Variants in DBX2 observed in about 807,000 individuals in gnomAD.
DBX2 encodes the protein developing brain homeobox 2, also known as homeobox protein DBX2.
Under a neutral mutation model 17.7 loss-of-function variants are expected in DBX2, and 16 were observed. The observed-to-expected ratio is 0.90, with a 90% confidence interval of 0.61 to 1.37. The LOEUF is 1.37. DBX2 is among the 40% of genes most tolerant of loss of function. The pLI is 0.00. For synonymous variants in DBX2, 255 were observed against 183.8 expected, an observed-to-expected ratio of 1.39 and a Z score of -3.13; for missense variants, 538 against 433.8, an observed-to-expected ratio of 1.24 and a Z score of -2.13.
rs1255751489 is a variant in DBX2, at chr12:45,031,219, TGTGTGTGAGAGAGA to T, written c.499+4786_499+4799del. ...GTGTGTGTGTGTGTGTGTGTGTGTG[TGTGTGTGAGAGAGA>T]GAGAGAGAGAGAGAGAGAGAGAGAT... On this transcript the variant is annotated intron_variant, in intron 2 of 3. Transcript: ENST00000332700. Among the ~76,000 whole-genome samples, 84 of 87,604 alleles carry T rather than the reference TGTGTGTGAGAGAGA, an allele frequency of 9.6e-4. 1 individual carries two copies. The highest frequency in any genetic ancestry group is 3.8e-3 in the African/African-American group (82 of 21,648). 57.5% of individuals were successfully genotyped at this position (87,604 alleles called of 152,430 possible).
chr12:45,021,680 C>G (rs980055641), intron 3 of DBX2, among the ~76,000 whole-genome samples: 3 of 152,202 alleles, frequency 2.0e-5, no homozygotes, highest in African/African-American at 7.2e-5. Context: ...TCAGGCCCAA[C>G]AGCTCCTCTG....
chr12:45,050,376 G>C, intron 1 of DBX2, 149 bp downstream of exon 1: 1 of 1,094,834 alleles, frequency 9.1e-7, no homozygotes, highest in Non-Finnish European at 1.3e-6. Context: ...CTCCCGAAGT[G>C]GCATCTCCAC....
At chr12:45,022,687 G>C (rs1019529109) in intron 3 of DBX2, among the ~76,000 whole-genome samples, 1 of 152,170 alleles carries the variant, frequency 6.6e-6, no homozygotes, top group African/African-American at 2.4e-5. Context: ...GGTTTGAACA[G>C]AGCCTCCTCT....
chr12:45,047,375 A>T (rs1312009038), intron 1 of DBX2, among the ~76,000 whole-genome samples: 1 of 152,088 alleles, frequency 6.6e-6, no homozygotes, highest in East Asian at 1.9e-4. Flanking sequence ...CTGGAGGAGA[A>T]CCTATTTCCT....
At chr12:45,042,639 T>A (rs1313496224) in intron 1 of DBX2, among the ~76,000 whole-genome samples, 1 of 152,186 alleles carries the variant, frequency 6.6e-6, no homozygotes, top group Non-Finnish European at 1.5e-5. Flanking sequence ...ATTGGATAAT[T>A]TAGGTTTTCC....
intron 3 of DBX2, among the ~76,000 whole-genome samples, chr12:45,021,406 T>C (rs893577789): frequency 1.2e-4 from 19 of 152,344 alleles, no homozygotes; most frequent in African/African-American, 4.6e-4. Flanking sequence ...TTTTTATATA[T>C]GGCTGTGGCA....
intron 2 of DBX2, among the ~76,000 whole-genome samples, chr12:45,034,811 C>T (rs562299196): frequency 1.3e-5 from 2 of 152,332 alleles, no homozygotes; most frequent in East Asian, 3.9e-4. Flanking sequence ...AAAAGACTGA[C>T]ACACAGAGCC....
chr12:45,034,143 C>A (rs141931348), intron 2 of DBX2, among the ~76,000 whole-genome samples: 1 of 151,630 alleles, frequency 6.6e-6, no homozygotes. Flanking sequence ...CACACACACA[C>A]GCACATGAAT....
Position 45,050,948 on chromosome 12 carries a change from G to C in DBX2, c.-21C>G, listed in dbSNP as rs1008851366. The C allele has an allele frequency of 7.1e-7, 1 of 1,408,516 alleles. No homozygotes were observed. The allele number at this position is 1,408,516 out of a possible 1,614,324, so 87.3% of individuals were successfully genotyped here. ...AGCATAGTGCGGCGCCAACCGGTCT[G>C]CTGCGCGCCCGCCTTGCGCCCGCCT... On this transcript the variant is annotated 5_prime_UTR_variant, in exon 1 of 4. Coordinates refer to ENST00000332700, the MANE Select transcript of DBX2 (RefSeq NM_001004329.3).
chr12:45,050,982 G>T lies in DBX2; in HGVS notation c.-55C>A. 2.2e-6 allele frequency: 3 copies of T among 1,350,240 alleles called. No individual in the cohort carries two copies. The highest frequency in any genetic ancestry group is 2.8e-6 in the Non-Finnish European group (3 of 1,054,670). The allele number at this position is 1,350,240 out of a possible 1,614,324, so 83.6% of individuals were successfully genotyped here. On this transcript the variant is annotated 5_prime_UTR_variant, in exon 1 of 4. Transcript: ENST00000332700. ...CCGCCTTGCGCCCGCCTGTCGCCCG[G>T]GCGCCCCGCACCGCACCCAGAGCCG...
In DBX2 at chr12:45,050,954, C is replaced by T; in HGVS notation, c.-27G>A. 2.9e-6 allele frequency: 4 copies of T among 1,399,772 alleles called. No individual in the cohort carries two copies. Among genetic ancestry groups the T allele is most frequent in the South Asian group, 3.3e-5 (2 of 60,174 alleles). 86.7% of individuals were successfully genotyped at this position (1,399,772 alleles called of 1,614,324 possible). Reference sequence around the variant, plus strand: ...GTGCGGCGCCAACCGGTCTGCTGCGCGCCCGCCTTGCGCCCGCCTGTCGCC... The same window carrying T: ...GTGCGGCGCCAACCGGTCTGCTGCGTGCCCGCCTTGCGCCCGCCTGTCGCC... On this transcript the variant is annotated 5_prime_UTR_variant, in exon 1 of 4. Transcript: ENST00000332700.
intron 1 of DBX2, among the ~76,000 whole-genome samples, chr12:45,044,087 C>A (rs2731055): frequency 0.99 from 150,901 of 152,358 alleles, 74,746 homozygotes; most frequent in Middle Eastern, 1. Context: ...TGGCATACTT[C>A]TATTATAAAA....
chr12:45,045,779 G>T (rs11837935), intron 1 of DBX2, among the ~76,000 whole-genome samples: 11,637 of 152,058 alleles, frequency 0.077, 1,017 homozygotes, highest in East Asian at 0.31. Context: ...GAGTGCAGTG[G>T]TGCAATCACA....
chr12:45,014,990 T>C lies in DBX2; in HGVS notation c.*1296A>G, dbSNP rs1946315570. 6.6e-6 allele frequency: 1 copy of C among 152,214 alleles called. No individual in the cohort carries two copies. Among genetic ancestry groups the C allele is most frequent in the Non-Finnish European group, 1.5e-5 (1 of 68,016 alleles). 9.4% of individuals were successfully genotyped at this position (152,214 alleles called of 1,614,324 possible). ...TACTCACTAACAAAATGCCACTTAA[T>C]GAACTTCTGATAGTGTTTCTTGTCC... is the stretch of plus-strand genomic sequence containing the variant. On this transcript the variant is annotated 3_prime_UTR_variant, in exon 4 of 4. Transcript: ENST00000332700.
intron 1 of DBX2, among the ~76,000 whole-genome samples, chr12:45,040,227 C>T (rs1946464077): frequency 1.3e-5 from 2 of 152,254 alleles, no homozygotes; most frequent in African/African-American, 2.4e-5. Context: ...TACCAGCCTA[C>T]ATCTTTCTCC....
At chr12:45,031,882 T>C (rs1246086611) in intron 2 of DBX2, among the ~76,000 whole-genome samples, 2 of 151,408 alleles carry the variant, frequency 1.3e-5, no homozygotes, top group Admixed American at 6.6e-5. Flanking sequence ...TATTCTTCAC[T>C]TTTTTTTTGG....
chr12:45,024,035 C>T (rs539176473), intron 2 of DBX2, 141 bp from the exon 3 acceptor site: 7 of 794,826 alleles, frequency 8.8e-6, no homozygotes, highest in South Asian at 8.1e-5. Context: ...AGCAGTACTT[C>T]CTAACTTCTT....
At position 45,051,039 on chromosome 12, in the gene DBX2, G is replaced by C. The variant is rs1946531630; in HGVS notation, c.-112C>G. The C allele has an allele frequency of 1.6e-6, 2 of 1,249,322 alleles. No homozygotes were observed. The highest frequency in any genetic ancestry group is 4.3e-5 in the Admixed American group (1 of 23,362). 77.4% of individuals were successfully genotyped at this position (1,249,322 alleles called of 1,614,324 possible). On this transcript the variant is annotated 5_prime_UTR_variant, in exon 1 of 4. Coordinates refer to ENST00000332700, the MANE Select transcript of DBX2 (RefSeq NM_001004329.3). ...CTCGCCGCCGCCTCCCGCAGGGCTG[G>C]AGCGCGCGGAGCCAGGCAGGGAGGA... is the stretch of plus-strand genomic sequence containing the variant.
intron 1 of DBX2, among the ~76,000 whole-genome samples, chr12:45,037,843 T>A (rs1403842279): frequency 6.6e-6 from 1 of 152,090 alleles, no homozygotes; most frequent in Admixed American, 6.5e-5. Context: ...TGGGAAGTTG[T>A]TAACATTAAT....
Sources: allele counts gnomAD v4.1 joint callset (sites outside exome capture counted in the v4.1 genomes callset), GRCh38; gene constraint gnomAD v4.1.1; transcripts MANE v1.5; gene names NCBI Gene and HGNC (gene_info 2026-07-23, HGNC 2026-07-21).